The following NME7 variants were observed in gnomAD, a reference collection of about 807,000 sequenced individuals.
The protein encoded by NME7 is NME/NM23 family member 7.
A neutral mutation model predicts 49.1 loss-of-function variants in NME7; 41 were observed. That is an observed-to-expected ratio of 0.83 (90% CI 0.65 to 1.08). NME7 has a LOEUF of 1.08. NME7 is among the 50% of genes least tolerant of loss of function. The probability of loss-of-function intolerance (pLI) is 0.00; values close to 1 mark genes in which losing one functional copy is unlikely to be tolerated. For synonymous variants in NME7, 139 were observed against 150.6 expected (o/e 0.92, Z 0.56); for missense variants, 423 against 463.4 (o/e 0.91, Z 0.80).
At chr1:169,330,570 T>C (rs985339341) in intron 1 of NME7, among the ~76,000 whole-genome samples, 2 of 152,028 alleles carry the variant, frequency 1.3e-5, no homozygotes, top group Admixed American at 6.6e-5. Context: ...TCCCAGCTAT[T>C]TGAGAGTCTG....
intron 9 of NME7, among the ~76,000 whole-genome samples, chr1:169,231,703 G>T (rs1195754487): frequency 6.6e-6 from 1 of 152,098 alleles, no homozygotes; most frequent in Non-Finnish European, 1.5e-5. Flanking sequence ...CAGAGTGAAA[G>T]GCCTTTTTAT....
intron 6 of NME7, among the ~76,000 whole-genome samples, chr1:169,288,861 A>G (rs1650385412): frequency 6.6e-6 from 1 of 152,136 alleles, no homozygotes; most frequent in Admixed American, 6.6e-5. Flanking sequence ...TGAAAATTCA[A>G]ATACCTACAG....
chr1:169,165,017 C>T lies in NME7; in HGVS notation c.1098+4430G>A, dbSNP rs186967380. On this transcript the variant is annotated intron_variant, in intron 11 of 11. Coordinates refer to ENST00000367811, the MANE Select transcript of NME7 (RefSeq NM_013330.5). Reference sequence around the variant, plus strand: ...TTTACCATCAATGCTATCTTTAACACACAAATTTAAGATCATTGTAGTTAC... The same window carrying T: ...TTTACCATCAATGCTATCTTTAACATACAAATTTAAGATCATTGTAGTTAC... 2.8e-4 allele frequency among the ~76,000 whole-genome samples: 43 copies of T among 152,262 alleles called. 1 individual carries two copies. Among genetic ancestry groups the T allele is most frequent in the Non-Finnish European group, 4.4e-5 (3 of 68,024 alleles).
Position 169,216,882 on chromosome 1 carries a change from G to A in NME7, c.990+13836C>T, listed in dbSNP as rs186411625. Among the ~76,000 whole-genome samples, 481 of 152,318 alleles carry A rather than the reference G, an allele frequency of 3.2e-3. 1 individual carries two copies. The highest frequency in any genetic ancestry group is 5.5e-3 in the Non-Finnish European group (374 of 68,024). ...GTCACAGAGGTCTTTTCTGTTGACT[G>A]TTGTGATATAAAAGCAGAAGAATAA... On this transcript the variant is annotated intron_variant, in intron 10 of 11. Coordinates refer to ENST00000367811, the MANE Select transcript of NME7 (RefSeq NM_013330.5).
At chr1:169,265,751 C>A (rs1649298688) in intron 7 of NME7, among the ~76,000 whole-genome samples, 1 of 127,928 alleles carries the variant, frequency 7.8e-6, no homozygotes, top group Admixed American at 7.7e-5. Flanking sequence ...AAAAAAGATA[C>A]AAATAAACAC....
At chr1:169,215,752 T>C (rs1660957084) in intron 10 of NME7, among the ~76,000 whole-genome samples, 1 of 152,188 alleles carries the variant, frequency 6.6e-6, no homozygotes, top group Non-Finnish European at 1.5e-5. Flanking sequence ...GTGGTATACA[T>C]ATACAAGAGA....
intron 10 of NME7, among the ~76,000 whole-genome samples, chr1:169,201,245 A>C (rs1557985286): frequency 6.6e-6 from 1 of 152,102 alleles, no homozygotes. Context: ...TAAATAAATA[A>C]ATAAAACAAA....
Position 169,273,656 on chromosome 1 carries a change from C to CT in NME7, c.754+13646dup, listed in dbSNP as rs1369914020. Among the ~76,000 whole-genome samples the CT allele has an allele frequency of 1.6e-5, 2 of 128,206 alleles. 1 individual carries two copies. The highest frequency in any genetic ancestry group is 3.6e-5 in the Non-Finnish European group (2 of 54,964). The allele number at this position is 128,206 out of a possible 152,430, so 84.1% of individuals were successfully genotyped here. A position where few individuals can be genotyped will look rare whatever the true frequency, so the allele number is the denominator to read the frequency against. On this transcript the variant is annotated intron_variant, in intron 7 of 11. Coordinates refer to ENST00000367811, the MANE Select transcript of NME7 (RefSeq NM_013330.5). ...TCCCCAGAGTGTGATGTTCCCCTTC[C>CT]TGTGTCCATGTGTTCTCATTGTTCA... is the stretch of plus-strand genomic sequence containing the variant.
intron 1 of NME7, among the ~76,000 whole-genome samples, chr1:169,348,221 T>C (rs887498076): frequency 2.0e-5 from 3 of 152,198 alleles, no homozygotes; most frequent in Non-Finnish European, 2.9e-5. Context: ...GAAGAAGATA[T>C]TAAGACAGTG....
At chr1:169,363,781 A>G (rs1050478049) in intron 1 of NME7, among the ~76,000 whole-genome samples, 5 of 152,172 alleles carry the variant, frequency 3.3e-5, no homozygotes, top group Admixed American at 2.0e-4. Context: ...TGCAGGTCTC[A>G]ATATAAAAGT....
chr1:169,156,673 T>A (rs1291200726), intron 11 of NME7, among the ~76,000 whole-genome samples: 3 of 152,196 alleles, frequency 2.0e-5, no homozygotes. Flanking sequence ...TGAAGAAAGG[T>A]GGAGCTGGCA....
At chr1:169,144,961 CTG>C (rs1034488054) in intron 11 of NME7, among the ~76,000 whole-genome samples, 1 of 152,094 alleles carries the variant, frequency 6.6e-6, no homozygotes, top group Non-Finnish European at 1.5e-5. Flanking sequence ...TTAAAACAAA[CTG>C]AAGGCAATAC....
chr1:169,282,969 G>C (rs1166962878), intron 7 of NME7, among the ~76,000 whole-genome samples: 2 of 152,054 alleles, frequency 1.3e-5, no homozygotes, highest in Non-Finnish European at 2.9e-5. Context: ...GGTCTGCTTG[G>C]TTTAGAGCTG....
At chr1:169,155,950 A>G (rs1272862929) in intron 11 of NME7, among the ~76,000 whole-genome samples, 3 of 151,972 alleles carry the variant, frequency 2.0e-5, no homozygotes, top group African/African-American at 4.8e-5. Context: ...AACTTGTTAG[A>G]ATGCAAATTC....
chr1:169,346,419 G>A lies in NME7; in HGVS notation c.3+21289C>T, dbSNP rs181802498. On this transcript the variant is annotated intron_variant, in intron 1 of 11. Coordinates refer to ENST00000367811, the MANE Select transcript of NME7 (RefSeq NM_013330.5). ...TGCTCCCACCTAAAAAAGTCTGTCC[G>A]CTGACTGTCTTATTTCCTGGAATAC... 2.3e-3 allele frequency among the ~76,000 whole-genome samples: 354 copies of A among 152,160 alleles called. 1 individual carries two copies. The highest frequency in any genetic ancestry group is 8.1e-3 in the African/African-American group (337 of 41,514).
intron 1 of NME7, among the ~76,000 whole-genome samples, chr1:169,334,293 C>T (rs1652373655): frequency 6.6e-6 from 1 of 152,104 alleles, no homozygotes; most frequent in Admixed American, 6.6e-5. Context: ...CCACATTCAC[C>T]TTGAATGACA....
At chr1:169,343,623 C>A (rs1652855665) in intron 1 of NME7, among the ~76,000 whole-genome samples, 1 of 152,004 alleles carries the variant, frequency 6.6e-6, no homozygotes, top group African/African-American at 2.4e-5. Flanking sequence ...TCCCGAGTAG[C>A]TGGGACTACA....
At chr1:169,246,188 C>T (rs754589491) in intron 7 of NME7, among the ~76,000 whole-genome samples, 2 of 152,044 alleles carry the variant, frequency 1.3e-5, no homozygotes, top group Non-Finnish European at 2.9e-5. Context: ...TGCCTGTAGT[C>T]CCAGATACTC....
intron 9 of NME7, among the ~76,000 whole-genome samples, chr1:169,232,725 T>C (rs1647685760): frequency 6.6e-6 from 1 of 151,626 alleles, no homozygotes; most frequent in Non-Finnish European, 1.5e-5. Context: ...CTGATACAAT[T>C]CACCATCAGA....
Sources: gnomAD v4.1 joint callset for allele counts (sites outside exome capture counted in the v4.1 genomes callset) on GRCh38, gnomAD v4.1.1 for gene constraint, MANE v1.5 for transcripts, NCBI Gene and HGNC (gene_info 2026-07-23, HGNC 2026-07-21) for gene names.